The following HFM1 variants were observed in gnomAD, a reference collection of about 807,000 sequenced individuals.
The protein encoded by HFM1 is probable ATP-dependent DNA helicase HFM1.
Under a neutral mutation model 192.1 loss-of-function variants are expected in HFM1, and 169 were observed. The ratio of observed to expected loss-of-function variants is 0.88; its 90% CI spans 0.78 to 1.00. HFM1 has a LOEUF of 1.00. Among genes scored for constraint, HFM1 ranks in the 50% least tolerant of loss-of-function variants. HFM1 has a pLI of 0.00. For missense variants in HFM1, 1,661 were observed against 1,668.0 expected (o/e 1.00, Z 0.07); for synonymous variants, 525 against 537.8 (o/e 0.98, Z 0.33).
Position 91,389,877 on chromosome 1 carries a change from T to A in HFM1, c.495-4043A>T, listed in dbSNP as rs551711469. Among the ~76,000 whole-genome samples, 5 of 152,320 alleles carry A rather than the reference T, an allele frequency of 3.3e-5. No individual in the cohort carries two copies. The South Asian group carries it at 1.0e-3, about 32-fold the overall frequency. On this transcript the variant is annotated intron_variant, in intron 4 of 38. Transcript: ENST00000370425. The stretch of plus-strand genomic sequence containing the variant: ...CTCTCAAATATTGCTGATGGGACTA[T>A]AAAGTGACGCAGCCACTTTGGAAAA...
chr1:91,276,961 A>T, intron 31 of HFM1, 21 bp downstream of exon 31: 1 of 1,447,388 alleles, frequency 6.9e-7, no homozygotes, highest in Non-Finnish European at 9.5e-7. Flanking sequence ...ACTTTAAATA[A>T]ACTTGTTTTA....
At chr1:91,353,754 A>ATG (rs1657316336) in intron 13 of HFM1, among the ~76,000 whole-genome samples, 1 of 151,494 alleles carries the variant, frequency 6.6e-6, no homozygotes, top group African/African-American at 2.4e-5. Context: ...AAGATGGTCA[A>ATG]CTAGAGATGC....
intron 30 of HFM1, among the ~76,000 whole-genome samples, chr1:91,296,208 C>T (rs534945504): frequency 3.3e-5 from 5 of 152,288 alleles, no homozygotes; most frequent in South Asian, 2.1e-4. Flanking sequence ...CGTGAGCCAC[C>T]GCGCCCAGAC....
upstream of HFM1, among the ~76,000 whole-genome samples, chr1:91,406,159 T>G (rs529687224): frequency 9.8e-5 from 15 of 152,362 alleles, 1 homozygote; most frequent in Middle Eastern, 3.4e-3. Flanking sequence ...GGACGGTATC[T>G]GCAAGCCAGG....
chr1:91,352,467 A>T, intron 16 of HFM1, 39 bp downstream of exon 16: 2 of 1,487,712 alleles, frequency 1.3e-6, no homozygotes, highest in Admixed American at 2.3e-5. Context: ...TGTTTTTATC[A>T]TGTTTTTAAG....
intron 20 of HFM1, among the ~76,000 whole-genome samples, chr1:91,340,353 T>C (rs987180233): frequency 3.3e-5 from 5 of 152,146 alleles, no homozygotes; most frequent in Non-Finnish European, 7.3e-5. Flanking sequence ...AAGTTTCATA[T>C]CCAGCCAAAA....
chr1:91,303,478 T>C lies in HFM1; in HGVS notation c.3391+9871A>G, dbSNP rs56796555. On this transcript the variant is annotated intron_variant, in intron 30 of 38. Coordinates refer to ENST00000370425, the MANE Select transcript of HFM1 (RefSeq NM_001017975.6). Reference sequence around the variant, plus strand: ...TAAATAATGCAGCTATATACATTCATGTCTAAGTTTTTGTATGAATATGTT... The same window carrying C: ...TAAATAATGCAGCTATATACATTCACGTCTAAGTTTTTGTATGAATATGTT... Among the ~76,000 whole-genome samples, 355 of 152,340 alleles carry C rather than the reference T, an allele frequency of 2.3e-3. 1 individual carries two copies. Among genetic ancestry groups the C allele is most frequent in the African/African-American group, 8.0e-3 (334 of 41,580 alleles).
intron 6 of HFM1, among the ~76,000 whole-genome samples, chr1:91,382,797 C>T (rs552742497): frequency 3.3e-5 from 5 of 152,182 alleles, no homozygotes; most frequent in Non-Finnish European, 7.3e-5. Context: ...AACTCAACTG[C>T]TAACATCATT....
At chr1:91,315,371 G>A (rs980869702) in intron 28 of HFM1, among the ~76,000 whole-genome samples, 2 of 152,138 alleles carry the variant, frequency 1.3e-5, no homozygotes, top group African/African-American at 2.4e-5. Context: ...ATAAGGGAGG[G>A]TACCTCCTCT....
At position 91,385,603 on chromosome 1, in the gene HFM1, T is replaced by C. The variant is rs918523618; in HGVS notation, c.726A>G (p.Ser242=). The stretch of plus-strand genomic sequence containing the variant: ...GAATATCATGAGGTTGGAAAGCAAC[T>C]GAAAAAGATGGTGCTTTGAACATGC... ...GEGMFKAPSF[S]VAFQPHDIQE... Residue 242 remains serine, a synonymous_variant, in exon 5 of 39, where the codon TCA becomes TCG. Coordinates refer to ENST00000370425, the MANE Select transcript of HFM1 (RefSeq NM_001017975.6). The C allele has an allele frequency of 2.5e-6, 4 of 1,612,492 alleles. No homozygotes were observed. The highest frequency in any genetic ancestry group is 3.4e-6 in the Non-Finnish European group (4 of 1,178,864).
intron 4 of HFM1, among the ~76,000 whole-genome samples, chr1:91,391,187 G>T (rs912850094): frequency 2.9e-4 from 44 of 151,526 alleles, no homozygotes; most frequent in Admixed American, 1.2e-3. Context: ...CAAGGTAATT[G>T]ATAGATTCAA....
intron 30 of HFM1, among the ~76,000 whole-genome samples, chr1:91,289,244 C>T (rs536683112): frequency 6.0e-5 from 9 of 150,724 alleles, no homozygotes; most frequent in African/African-American, 1.5e-4. Flanking sequence ...CGGACAGAGG[C>T]GCTCTTCACA....
At chr1:91,383,524 A>G (rs1232864280) in intron 6 of HFM1, among the ~76,000 whole-genome samples, 1 of 152,152 alleles carries the variant, frequency 6.6e-6, no homozygotes, top group African/African-American at 2.4e-5. Context: ...CATTGGAGGC[A>G]ACTTTTCATG....
chr1:91,272,302 T>C lies in HFM1; in HGVS notation c.3772+1410A>G, dbSNP rs551254898. Among the ~76,000 whole-genome samples, 3 of 152,014 alleles carry C rather than the reference T, an allele frequency of 2.0e-5. No homozygotes were observed. In the East Asian group the frequency reaches 5.8e-4, roughly 29 times the overall value. The stretch of plus-strand genomic sequence containing the variant: ...AGATTATGAAAGGTTATACTAAATA[T>C]CAGAGCTAGGACTTGGACAGATGGT... On this transcript the variant is annotated intron_variant, in intron 34 of 38. Transcript: ENST00000370425.
intron 30 of HFM1, among the ~76,000 whole-genome samples, chr1:91,295,880 A>C (rs1386655228): frequency 1.3e-5 from 2 of 152,002 alleles, no homozygotes; most frequent in Non-Finnish European, 2.9e-5. Flanking sequence ...TCAGTCATCT[A>C]TTTGCAAATA....
intron 30 of HFM1, among the ~76,000 whole-genome samples, chr1:91,285,782 A>C (rs1332771138): frequency 2.0e-5 from 3 of 152,234 alleles, no homozygotes; most frequent in African/African-American, 7.2e-5. Flanking sequence ...TAAATATTTC[A>C]TAAGTTTTAA....
At chr1:91,405,539 C>T (rs1384375732), upstream of HFM1, among the ~76,000 whole-genome samples, 1 of 152,154 alleles carries the variant, frequency 6.6e-6, no homozygotes, top group Non-Finnish European at 1.5e-5. Flanking sequence ...TGTCTGACTG[C>T]CCTATTCCTG....
chr1:91,274,689 C>T (rs571113319), intron 33 of HFM1, 41 bp downstream of exon 33: 17 of 1,004,008 alleles, frequency 1.7e-5, no homozygotes, highest in South Asian at 4.5e-5. Flanking sequence ...ACAGAGTTTA[C>T]GATAAATATT....
chr1:91,282,041 A>G (rs1377082977), intron 30 of HFM1, among the ~76,000 whole-genome samples: 3 of 152,232 alleles, frequency 2.0e-5, no homozygotes, highest in Admixed American at 6.5e-5. Flanking sequence ...CTTTATTTGT[A>G]GACCTTTCAT....
Sources: gnomAD v4.1 joint callset for allele counts (sites outside exome capture counted in the v4.1 genomes callset) on GRCh38, gnomAD v4.1.1 for gene constraint, MANE v1.5 for transcripts, NCBI Gene and HGNC (gene_info 2026-07-23, HGNC 2026-07-21) for gene names.